PRKACB: variants seen among roughly 807,000 people sequenced by gnomAD.
The protein encoded by PRKACB is cAMP-dependent protein kinase catalytic subunit beta.
In PRKACB, 16 loss-of-function variants were observed where a neutral mutation model predicts 51.4. That is an observed-to-expected ratio of 0.31 (90% CI 0.21 to 0.47). The LOEUF is 0.47. PRKACB is among the 20% of genes least tolerant of loss of function. The probability of loss-of-function intolerance (pLI) is 1.00; values close to 1 mark genes in which losing one functional copy is unlikely to be tolerated. For synonymous variants in PRKACB, 147 were observed against 154.4 expected, an observed-to-expected ratio of 0.95 and a Z score of 0.35; for missense variants, 309 against 464.5, an observed-to-expected ratio of 0.67 and a Z score of 3.08.
At chr1:84,177,173 A>G (rs888107376) in intron 1 of PRKACB, among the ~76,000 whole-genome samples, 1 of 152,044 alleles carries the variant, frequency 6.6e-6, no homozygotes, top group South Asian at 2.1e-4. Context: ...AGTTCTATAA[A>G]TAAAAGATAA....
intron 1 of PRKACB, among the ~76,000 whole-genome samples, chr1:84,115,610 C>CG (rs1650569633): frequency 6.6e-6 from 1 of 151,702 alleles, no homozygotes; most frequent in South Asian, 2.1e-4. Context: ...AGGCCAGGTG[C>CG]GGTGGCTCAC....
At chr1:84,088,882 G>A (rs1393830817) in intron 1 of PRKACB, among the ~76,000 whole-genome samples, 1 of 152,156 alleles carries the variant, frequency 6.6e-6, no homozygotes, top group Non-Finnish European at 1.5e-5. Context: ...ATGATACATA[G>A]GTGCCTGAGA....
chr1:84,206,489 A>G (rs974763604), intron 8 of PRKACB, among the ~76,000 whole-genome samples: 3 of 152,186 alleles, frequency 2.0e-5, no homozygotes, highest in Non-Finnish European at 4.4e-5. Flanking sequence ...TGAAGATAGC[A>G]AAAGTCCAGA....
At chr1:84,199,476 A>G (rs755571494) in intron 7 of PRKACB, among the ~76,000 whole-genome samples, 18 of 152,200 alleles carry the variant, frequency 1.2e-4, no homozygotes, top group Non-Finnish European at 1.6e-4. Context: ...TGCAAAAGAC[A>G]TGATCTCATT....
chr1:84,214,178 C>CATTAAA lies in PRKACB; in HGVS notation c.933_934insTTAAAA (p.Ser311_Asp312insLeuLys). 6.2e-7 allele frequency: 1 copy of CATTAAA among 1,611,338 alleles called. No individual in the cohort carries two copies. The highest frequency in any genetic ancestry group is 1.7e-5 in the Admixed American group (1 of 59,602). ...GTCCGATTCCCATCCCACTTCAGTTCAGATCTCAAGGACCTTCTACGGAAC... is the reference window on the plus strand; with the variant it reads ...GTCCGATTCCCATCCCACTTCAGTTCATTAAAAGATCTCAAGGACCTTCTACGGAAC... On this transcript the variant is annotated inframe_insertion, in exon 9 of 10. Coordinates refer to ENST00000370685, the MANE Select transcript of PRKACB (RefSeq NM_182948.4).
intron 9 of PRKACB, among the ~76,000 whole-genome samples, chr1:84,220,325 A>G (rs1673511953): frequency 6.6e-6 from 1 of 151,746 alleles, no homozygotes; most frequent in African/African-American, 2.4e-5. Flanking sequence ...ACCTTTACTT[A>G]TTTTTTTATG....
At chr1:84,182,147 T>G in intron 2 of PRKACB, 53 bp from the exon 3 acceptor site, 1 of 1,248,268 alleles carries the variant, frequency 8.0e-7, no homozygotes, top group Non-Finnish European at 1.1e-6. Flanking sequence ...CATTTATAAT[T>G]CCCATAGTGT....
At position 84,184,151 on chromosome 1, in the gene PRKACB, A is replaced by T; in HGVS notation, c.477+16A>T. 6.3e-7 allele frequency: 1 copy of T among 1,578,964 alleles called. No individual in the cohort carries two copies. The highest frequency in any genetic ancestry group is 8.6e-7 in the Non-Finnish European group (1 of 1,165,290). On this transcript the variant is annotated intron_variant, in intron 4 of 9. Transcript: ENST00000370685. ...TGCTTTTAAGGTAAATTTTAGTAAT[A>T]TCTAAATAAGATATTTTCAACCTAA...
At position 84,196,625 on chromosome 1, in the gene PRKACB, T is replaced by C; in HGVS notation, c.570T>C (p.His190=). The change falls in exon 6 of 10, where the codon CAT becomes CAC. Residue 190 remains histidine, a synonymous_variant. Transcript: ENST00000370685. ...TTTTATTTCTTTGCAGTGAGCCCCA[T>C]GCACGGTTCTATGCAGCTCAGATAG... The part of the protein sequence containing the change: ...LRRIGRFSEP[H]ARFYAAQIVL... The C allele has an allele frequency of 5.6e-6, 9 of 1,613,170 alleles. No individual in the cohort carries two copies. Among genetic ancestry groups the C allele is most frequent in the Non-Finnish European group, 7.6e-6 (9 of 1,179,522 alleles).
At chr1:84,206,568 A>T (rs769592773) in intron 8 of PRKACB, among the ~76,000 whole-genome samples, 37 of 152,212 alleles carry the variant, frequency 2.4e-4, no homozygotes, top group African/African-American at 8.4e-4. Flanking sequence ...TAATTCCTTC[A>T]GCAACAAGCT....
intron 1 of PRKACB, among the ~76,000 whole-genome samples, chr1:84,149,204 C>G (rs934540411): frequency 1.3e-5 from 2 of 151,800 alleles, no homozygotes; most frequent in African/African-American, 4.8e-5. Flanking sequence ...AAGGTAATGA[C>G]TGTTAATTTT....
rs1314822124 is a variant in PRKACB, at chr1:84,182,225, A to T, written c.275A>T (p.Glu92Val). 1 of 1,582,886 alleles carries T rather than the reference A, an allele frequency of 6.3e-7. No homozygotes were observed. Among genetic ancestry groups the T allele is most frequent in the Non-Finnish European group, 8.6e-7 (1 of 1,162,592 alleles). The change falls in exon 3 of 10, where the codon GAA becomes GTA. Residue 92 changes from glutamate (E) to valine (V), a missense_variant. Coordinates refer to ENST00000370685, the MANE Select transcript of PRKACB (RefSeq NM_182948.4). ...AATAATGCCGGACTTGAAGATTTTGAAAGGAAAAAAACCCTTGGAACAGGT... is the reference window on the plus strand; with the variant it reads ...AATAATGCCGGACTTGAAGATTTTGTAAGGAAAAAAACCCTTGGAACAGGT... ...TQNNAGLEDF[E>V]RKKTLGTGSF...
chr1:84,169,481 A>C (rs1385072839), intron 1 of PRKACB, among the ~76,000 whole-genome samples: 1 of 151,758 alleles, frequency 6.6e-6, no homozygotes, highest in African/African-American at 2.4e-5. Context: ...AACCAGAATA[A>C]TCATTGCAGA....
intron 1 of PRKACB, among the ~76,000 whole-genome samples, chr1:84,107,550 C>T (rs1289685038): frequency 6.6e-6 from 1 of 151,992 alleles, no homozygotes; most frequent in Non-Finnish European, 1.5e-5. Context: ...AAACAACCTA[C>T]AAAAATATTT....
At chr1:84,168,315 G>A (rs186835329) in intron 1 of PRKACB, among the ~76,000 whole-genome samples, 62 of 151,566 alleles carry the variant, frequency 4.1e-4, no homozygotes, top group African/African-American at 1.2e-3. Flanking sequence ...ACTGTGTAGC[G>A]AATAGGTTTC....
At chr1:84,223,170 T>G (rs1347945224) in intron 9 of PRKACB, among the ~76,000 whole-genome samples, 1 of 152,170 alleles carries the variant, frequency 6.6e-6, no homozygotes, top group African/African-American at 2.4e-5. Flanking sequence ...TGCTTTAAGG[T>G]GTCCCCTATG....
intron 1 of PRKACB, among the ~76,000 whole-genome samples, chr1:84,158,813 A>G (rs1046137421): frequency 6.6e-6 from 1 of 152,080 alleles, no homozygotes; most frequent in African/African-American, 2.4e-5. Context: ...TAATTTTTAT[A>G]TATGTTGTGA....
rs1676796992 is a variant in PRKACB, at chr1:84,237,925, C to CCTAA, written c.*2623_*2626dup. The CCTAA allele has an allele frequency of 6.6e-6, 1 of 152,116 alleles. No homozygotes were observed. Among genetic ancestry groups the CCTAA allele is most frequent in the Non-Finnish European group, 1.5e-5 (1 of 67,974 alleles). 9.4% of individuals were successfully genotyped at this position (152,116 alleles called of 1,614,324 possible). A position where few individuals can be genotyped will look rare whatever the true frequency, so the allele number is the denominator to read the frequency against. ...GGATTAGGCAGTTTGTAAGATTCCT[C>CCTAA]CTAACTTTCACAGTCGATGACAAGA... On this transcript the variant is annotated 3_prime_UTR_variant, in exon 10 of 10. Coordinates refer to ENST00000370685, the MANE Select transcript of PRKACB (RefSeq NM_182948.4).
chr1:84,144,856 A>T (rs1306616328), intron 1 of PRKACB, among the ~76,000 whole-genome samples: 2 of 152,108 alleles, frequency 1.3e-5, no homozygotes, highest in Non-Finnish European at 1.5e-5. Flanking sequence ...TGAAATACTT[A>T]AGTTTCAGAA....
Sources: gnomAD v4.1 joint callset for allele counts (sites outside exome capture counted in the v4.1 genomes callset) on GRCh38, gnomAD v4.1.1 for gene constraint, MANE v1.5 for transcripts, NCBI Gene and HGNC (gene_info 2026-07-23, HGNC 2026-07-21) for gene names.